The following ARID3B variants were observed in gnomAD, a reference collection of about 807,000 sequenced individuals.
ARID3B encodes AT-rich interactive domain-containing protein 3B.
ARID3B carries 10 observed loss-of-function variants against 51.9 expected under a neutral mutation model. That is an observed-to-expected ratio of 0.19 (90% CI 0.12 to 0.33). The LOEUF is 0.33. ARID3B is among the 10% of genes least tolerant of loss of function. The pLI is 1.00. For missense variants in ARID3B, 483 were observed against 716.3 expected, an observed-to-expected ratio of 0.67 and a Z score of 3.72; for synonymous variants, 205 against 279.5, an observed-to-expected ratio of 0.73 and a Z score of 2.66.
At chr15:74,581,959 G>T (rs553392096) in intron 4 of ARID3B, among the ~76,000 whole-genome samples, 3 of 152,324 alleles carry the variant, frequency 2.0e-5, no homozygotes, top group Admixed American at 6.5e-5. Flanking sequence ...TGAGAGTCTA[G>T]TGGCACAACA....
In ARID3B at chr15:74,572,845, GT is replaced by G; in HGVS notation, c.553-13del. 1 of 1,613,864 alleles carries G rather than the reference GT, an allele frequency of 6.2e-7. No homozygotes were observed. The highest frequency in any genetic ancestry group is 1.1e-5 in the South Asian group (1 of 91,076). On this transcript the variant is annotated splice_polypyrimidine_tract_variant and intron_variant, in intron 2 of 8. Coordinates refer to ENST00000346246, the MANE Select transcript of ARID3B (RefSeq NM_006465.4). ...CTTCCTTTGCCCCTCTCAACTTTGT[GT>G]TTTGTTCCCTTTTAGAATGGTGGTT...
At chr15:74,565,724 T>C (rs1052513011) in intron 2 of ARID3B, among the ~76,000 whole-genome samples, 1 of 151,062 alleles carries the variant, frequency 6.6e-6, no homozygotes, top group Non-Finnish European at 1.5e-5. Flanking sequence ...ATGGTCTCGT[T>C]GTTTTTTTTG....
chr15:74,550,916 G>A (rs2061634894), intron 2 of ARID3B, among the ~76,000 whole-genome samples: 2 of 152,176 alleles, frequency 1.3e-5, no homozygotes, highest in African/African-American at 4.8e-5. Flanking sequence ...TGCAGGGTTA[G>A]GGCGAATTGT....
chr15:74,566,384 G>A (rs968185145), intron 2 of ARID3B, among the ~76,000 whole-genome samples: 3 of 152,094 alleles, frequency 2.0e-5, no homozygotes, highest in Non-Finnish European at 4.4e-5. Context: ...CAGATCACCT[G>A]AGGTCAGGAG....
chr15:74,558,178 C>CTT (rs1208034661), intron 2 of ARID3B, among the ~76,000 whole-genome samples: 1,130 of 104,588 alleles, frequency 0.011, 19 homozygotes, highest in African/African-American at 0.025. Context: ...TGGTTTGTGT[C>CTT]TTTTTTTTTT....
At chr15:74,582,413 C>A (rs1022750811) in intron 4 of ARID3B, among the ~76,000 whole-genome samples, 1 of 152,108 alleles carries the variant, frequency 6.6e-6, no homozygotes, top group African/African-American at 2.4e-5. Context: ...GGTGATCTGC[C>A]CACCTTGGCC....
At chr15:74,562,991 G>GCCCA (rs1851122537) in intron 2 of ARID3B, among the ~76,000 whole-genome samples, 1 of 152,152 alleles carries the variant, frequency 6.6e-6, no homozygotes, top group South Asian at 2.1e-4. Context: ...AGAACTAGCA[G>GCCCA]CCCACCTTCT....
At chr15:74,553,624 G>A (rs1393740869) in intron 2 of ARID3B, among the ~76,000 whole-genome samples, 5 of 152,052 alleles carry the variant, frequency 3.3e-5, no homozygotes, top group African/African-American at 7.2e-5. Context: ...GTTGGGAAAC[G>A]AGCATGGTAT....
intron 8 of ARID3B, among the ~76,000 whole-genome samples, chr15:74,594,964 CTG>C (rs1307639605): frequency 6.6e-6 from 1 of 152,208 alleles, no homozygotes; most frequent in East Asian, 1.9e-4. Context: ...CTTTTGTCCT[CTG>C]TCAAGGAGAA....
rs2061723978 is a variant in ARID3B, at chr15:74,572,868, G to A, written c.559G>A (p.Gly187Ser). ...GTGTTTTGTTCCCTTTTAGAATGGT[G>A]GTTTGGCCTGGAGTGATGATGCAGA... The part of the protein sequence containing the change: ...NLDEQLKQNG[G>S]LAWSDDADGG... The change falls in exon 3 of 9, where the codon GGT (glycine) becomes AGT (serine). Residue 187 changes from glycine to serine, a missense_variant. Gly to Ser is a moderately conservative substitution (Grantham distance 56). Around this residue, in one of 3 missense-constraint regions of ARID3B, gnomAD observed 182 missense variants for 244.5 expected, o/e 0.74. Transcript: ENST00000346246. The A allele has an allele frequency of 1.2e-6, 2 of 1,614,142 alleles. No homozygotes were observed. Among genetic ancestry groups the A allele is most frequent in the African/African-American group, 2.7e-5 (2 of 75,028 alleles).
Position 74,561,441 on chromosome 15 carries a change from C to T in ARID3B, c.553-11421C>T, listed in dbSNP as rs1282418615. Among the ~76,000 whole-genome samples, 4 of 152,216 alleles carry T rather than the reference C, an allele frequency of 2.6e-5. No homozygotes were observed. In the South Asian group the frequency reaches 6.2e-4, roughly 24 times the overall value. ...CATTTAGACTGCTTTAAATTTTTTA[C>T]TCTTATAAATAAAATTATACTGTAT... On this transcript the variant is annotated intron_variant, in intron 2 of 8. Transcript: ENST00000346246.
chr15:74,588,923 AG>A (rs2061791933), intron 4 of ARID3B, among the ~76,000 whole-genome samples: 1 of 151,344 alleles, frequency 6.6e-6, no homozygotes, highest in Admixed American at 6.6e-5. Context: ...CTGTGTGTCC[AG>A]CAGCTCCTTT....
chr15:74,543,744 T>C, intron 1 of ARID3B, 116 bp from the exon 2 acceptor site: 2 of 648,752 alleles, frequency 3.1e-6, no homozygotes, highest in South Asian at 4.4e-5. Flanking sequence ...TTTAGGAGCA[T>C]ATGTTTAGCG....
chr15:74,569,766 A>T (rs573153116), intron 2 of ARID3B, among the ~76,000 whole-genome samples: 1 of 152,326 alleles, frequency 6.6e-6, no homozygotes, highest in African/African-American at 2.4e-5. Flanking sequence ...AGGCTCTGCT[A>T]GACTGCGAAA....
At chr15:74,593,553 G>T (rs2061812147) in intron 8 of ARID3B, among the ~76,000 whole-genome samples, 1 of 152,202 alleles carries the variant, frequency 6.6e-6, no homozygotes, top group Non-Finnish European at 1.5e-5. Context: ...TTCTCTGACT[G>T]TAATTCAGCT....
At chr15:74,590,427 T>A (rs990602141) in intron 5 of ARID3B, among the ~76,000 whole-genome samples, 1 of 152,152 alleles carries the variant, frequency 6.6e-6, no homozygotes, top group South Asian at 2.1e-4. Flanking sequence ...CCACCCCAAG[T>A]GGCCCCTCTT....
At chr15:74,563,314 CTG>C in intron 2 of ARID3B, among the ~76,000 whole-genome samples, 1 of 152,322 alleles carries the variant, frequency 6.6e-6, no homozygotes. Flanking sequence ...TCTGAGAAAT[CTG>C]TGAATGCAGC....
chr15:74,549,954 C>G (rs976173750), intron 2 of ARID3B, among the ~76,000 whole-genome samples: 8 of 152,204 alleles, frequency 5.3e-5, no homozygotes, highest in African/African-American at 1.9e-4. Flanking sequence ...AACAGTAGTG[C>G]CAAGGTTGAG....
chr15:74,577,689 T>C (rs1342222314), intron 4 of ARID3B, among the ~76,000 whole-genome samples: 2 of 151,858 alleles, frequency 1.3e-5, no homozygotes, highest in African/African-American at 4.8e-5. Flanking sequence ...ACTCAGCTAA[T>C]TTTTCTGTTT....
Sources: gnomAD v4.1 joint callset for allele counts (sites outside exome capture counted in the v4.1 genomes callset) on GRCh38, gnomAD v4.1.1 for gene constraint, gnomAD v4.1.1 regional missense constraint, MANE v1.5 for transcripts, NCBI Gene and HGNC (gene_info 2026-07-23, HGNC 2026-07-21) for gene names.